The following SPTLC1 variants were observed in gnomAD, a reference collection of about 807,000 sequenced individuals.
SPTLC1 encodes the protein serine palmitoyltransferase long chain base subunit 1.
SPTLC1 carries 55 observed loss-of-function variants against 68.9 expected under a neutral mutation model. The observed-to-expected ratio is 0.80, with a 90% CI of 0.64 to 1.00. The LOEUF is 1.00. Among genes scored for constraint, SPTLC1 ranks in the 50% least tolerant of loss-of-function variants. The pLI, the probability that SPTLC1 is intolerant of heterozygous loss-of-function variation, is 0.00. For synonymous variants in SPTLC1, 197 were observed against 201.6 expected (o/e 0.98, Z 0.19); for missense variants, 449 against 573.1 (o/e 0.78, Z 2.21).
chr9:92,073,207 G>A (rs1834559688), intron 5 of SPTLC1, among the ~76,000 whole-genome samples: 1 of 152,088 alleles, frequency 6.6e-6, no homozygotes, highest in Admixed American at 6.6e-5. Flanking sequence ...CAGCATTCAG[G>A]CTCTTTTCCG....
chr9:92,069,710 G>A (rs911016832), intron 5 of SPTLC1, among the ~76,000 whole-genome samples: 2 of 152,078 alleles, frequency 1.3e-5, no homozygotes, highest in African/African-American at 2.4e-5. Context: ...CACCTCTCAC[G>A]TTCCCAGGTA....
At chr9:92,107,701 G>C (rs962046315) in intron 3 of SPTLC1, 3 of 152,152 alleles carry the variant, frequency 2.0e-5, no homozygotes, top group Non-Finnish European at 4.4e-5. Context: ...GCAGTGAGCC[G>C]AGATTGCGCC....
intron 3 of SPTLC1, among the ~76,000 whole-genome samples, chr9:92,106,366 C>T (rs1324159733): frequency 4.7e-5 from 7 of 150,280 alleles, no homozygotes; most frequent in Non-Finnish European, 7.4e-5. Flanking sequence ...CTCAGCTACT[C>T]GAGAGGCTGA....
intron 5 of SPTLC1, among the ~76,000 whole-genome samples, chr9:92,072,081 C>A (rs1834512567): frequency 6.6e-6 from 1 of 152,182 alleles, no homozygotes; most frequent in Non-Finnish European, 1.5e-5. Flanking sequence ...AGCCTTGTTG[C>A]TCACACTTAG....
At chr9:92,108,498 T>C in intron 3 of SPTLC1, 1 of 466,826 alleles carries the variant, frequency 2.1e-6, no homozygotes, top group South Asian at 2.3e-5. Context: ...ATTGGAAATA[T>C]TAACATGTGT....
intron 12 of SPTLC1, among the ~76,000 whole-genome samples, chr9:92,038,849 T>A (rs568270066): frequency 5.9e-5 from 9 of 152,390 alleles, no homozygotes; most frequent in Non-Finnish European, 7.3e-5. Context: ...CTTCACAAGC[T>A]ACTCACTACA....
intron 3 of SPTLC1, among the ~76,000 whole-genome samples, chr9:92,098,643 T>G (rs571807323): frequency 6.6e-6 from 1 of 151,758 alleles, no homozygotes; most frequent in Non-Finnish European, 1.5e-5. Flanking sequence ...ATAAAACTGA[T>G]AAAACAATCA....
chr9:92,085,846 A>ATT (rs1835101756), intron 3 of SPTLC1, among the ~76,000 whole-genome samples: 7 of 151,394 alleles, frequency 4.6e-5, no homozygotes, highest in Admixed American at 4.6e-4. Context: ...GTGGGGTGTT[A>ATT]AAGTCTCCCA....
chr9:92,051,527 T>C (rs1833703945), intron 8 of SPTLC1, among the ~76,000 whole-genome samples: 1 of 152,222 alleles, frequency 6.6e-6, no homozygotes, highest in Non-Finnish European at 1.5e-5. Flanking sequence ...TACTCAATGG[T>C]AGAAGACTGA....
chr9:92,078,887 A>C (rs1834774254), intron 5 of SPTLC1, among the ~76,000 whole-genome samples: 1 of 152,238 alleles, frequency 6.6e-6, no homozygotes, highest in South Asian at 2.1e-4. Flanking sequence ...GGATAACATA[A>C]GGTGCTCCCT....
chr9:92,077,325 T>C (rs1427736983), intron 5 of SPTLC1, among the ~76,000 whole-genome samples: 1 of 152,088 alleles, frequency 6.6e-6, no homozygotes, highest in African/African-American at 2.4e-5. Context: ...CTACTCCAGA[T>C]ACCCAGCCAT....
At chr9:92,034,600 A>G (rs1290368282) in intron 14 of SPTLC1, among the ~76,000 whole-genome samples, 3 of 152,344 alleles carry the variant, frequency 2.0e-5, no homozygotes, top group African/African-American at 4.8e-5. Context: ...GAGTTAACTG[A>G]GAGGGTACTC....
chr9:92,089,077 A>G (rs1321586305), intron 3 of SPTLC1, among the ~76,000 whole-genome samples: 1 of 152,232 alleles, frequency 6.6e-6, no homozygotes, highest in Non-Finnish European at 1.5e-5. Context: ...AGTGCTCCCA[A>G]GAGCATAAAC....
At chr9:92,112,251 C>A (rs932607251) in intron 2 of SPTLC1, among the ~76,000 whole-genome samples, 1 of 152,170 alleles carries the variant, frequency 6.6e-6, no homozygotes, top group Non-Finnish European at 1.5e-5. Context: ...TATCCAAGAC[C>A]ATAATATGGT....
rs1015885418 is a variant in SPTLC1, at chr9:92,079,251, T to A, written c.427+765A>T. 8 of 542,912 alleles carry A rather than the reference T, an allele frequency of 1.5e-5. No individual in the cohort carries two copies. The African/African-American group carries it at 1.6e-4, about 11-fold the overall frequency. The allele number at this position is 542,912 out of a possible 1,614,324, so 33.6% of individuals were successfully genotyped here. A position where few individuals can be genotyped will look rare whatever the true frequency, so the allele number is the denominator to read the frequency against. On this transcript the variant is annotated intron_variant, in intron 5 of 14. Transcript: ENST00000262554. ...CCACCACGCCCAGCTAATTTTTGTATTTTTAGTAGAGACGAGGTTTCAGCA... is the reference window on the plus strand; with the variant it reads ...CCACCACGCCCAGCTAATTTTTGTAATTTTAGTAGAGACGAGGTTTCAGCA...
chr9:92,113,541 A>G (rs1438966095), intron 1 of SPTLC1, among the ~76,000 whole-genome samples: 3 of 152,254 alleles, frequency 2.0e-5, no homozygotes, highest in Non-Finnish European at 4.4e-5. Context: ...ATGAGAAGTT[A>G]CACTACTGTC....
intron 13 of SPTLC1, among the ~76,000 whole-genome samples, chr9:92,035,705 G>T (rs1051025849): frequency 2.6e-5 from 4 of 152,220 alleles, no homozygotes; most frequent in African/African-American, 7.2e-5. Context: ...GCAAAGGGCA[G>T]TGTAAAGGAA....
chr9:92,067,115 C>T (rs191960904), intron 6 of SPTLC1, among the ~76,000 whole-genome samples: 37 of 152,080 alleles, frequency 2.4e-4, no homozygotes, highest in Admixed American at 1.5e-3. Flanking sequence ...CTGGCCAACA[C>T]GGTAAAACCC....
chr9:92,082,809 C>G (rs879708651), intron 3 of SPTLC1, among the ~76,000 whole-genome samples: 1 of 150,216 alleles, frequency 6.7e-6, no homozygotes, highest in Non-Finnish European at 1.5e-5. Flanking sequence ...CCTGAGGAAT[C>G]GCCACACTGA....
Sources: gnomAD v4.1 joint callset for allele counts (sites outside exome capture counted in the v4.1 genomes callset) on GRCh38, gnomAD v4.1.1 for gene constraint, MANE v1.5 for transcripts, NCBI Gene and HGNC (gene_info 2026-07-23, HGNC 2026-07-21) for gene names.